MAGI2: variants seen among roughly 807,000 people sequenced by gnomAD.
The protein encoded by MAGI2 is membrane-associated guanylate kinase, WW and PDZ domain-containing protein 2.
MAGI2 carries 35 observed loss-of-function variants against 133.3 expected under a neutral mutation model. The observed-to-expected ratio is 0.26, with a 90% CI of 0.20 to 0.35. MAGI2 has a LOEUF of 0.35. Among genes scored for constraint, MAGI2 ranks in the 10% least tolerant of loss-of-function variants. The pLI is 1.00. For synonymous variants in MAGI2, 729 were observed against 710.6 expected (o/e 1.03, Z -0.41); for missense variants, 1,636 against 1,863.4 (o/e 0.88, Z 2.25).
rs555615332 is a variant in MAGI2 at position 79,044,894 on chromosome 7, A to G, written c.302-37688T>C. Among the ~76,000 whole-genome samples the G allele has an allele frequency of 3.4e-4, 52 of 152,350 alleles. 2 individuals are homozygous for G. Among genetic ancestry groups the G allele is most frequent in the Non-Finnish European group, 4.4e-5 (3 of 68,026 alleles). ...CTATAAATTTATACATGCATTTACC[A>G]CATGACCCTACTACACTGCAATTCT... On this transcript the variant is annotated intron_variant, in intron 1 of 21. Transcript: ENST00000354212.
chr7:78,240,238 G>GT (rs1790997135), intron 10 of MAGI2, among the ~76,000 whole-genome samples: 1 of 152,104 alleles, frequency 6.6e-6, no homozygotes, highest in African/African-American at 2.4e-5. Context: ...GTGGTGTTTG[G>GT]TTTTCTGTCT....
chr7:79,200,622 A>T (rs1258874699), intron 1 of MAGI2, among the ~76,000 whole-genome samples: 1 of 151,608 alleles, frequency 6.6e-6, no homozygotes, highest in Non-Finnish European at 1.5e-5. Flanking sequence ...AAAAAAAAAA[A>T]AAGTTTATAT....
chr7:79,246,281 A>G (rs1832814259), intron 1 of MAGI2, among the ~76,000 whole-genome samples: 1 of 152,138 alleles, frequency 6.6e-6, no homozygotes, highest in African/African-American at 2.4e-5. Context: ...CCCAAGAAAC[A>G]TGGCCTCACC....
At chr7:79,232,159 G>A (rs911645062) in intron 1 of MAGI2, among the ~76,000 whole-genome samples, 1 of 152,164 alleles carries the variant, frequency 6.6e-6, no homozygotes, top group Non-Finnish European at 1.5e-5. Flanking sequence ...GATCATGATG[G>A]ATAAGCTTTT....
chr7:78,043,986 A>T (rs1426111778), intron 21 of MAGI2, among the ~76,000 whole-genome samples: 1 of 152,252 alleles, frequency 6.6e-6, no homozygotes. Flanking sequence ...TTTCAGGTTC[A>T]AGCTAATTCT....
chr7:78,319,242 C>A (rs535759110), intron 9 of MAGI2, among the ~76,000 whole-genome samples: 7 of 152,264 alleles, frequency 4.6e-5, no homozygotes, highest in African/African-American at 1.7e-4. Context: ...CAAAGACACA[C>A]ATAGGCTCAA....
intron 19 of MAGI2, among the ~76,000 whole-genome samples, chr7:78,126,193 G>GGTGTGTGTGTGTGTGT (rs3085805): frequency 1.9e-4 from 28 of 149,010 alleles, no homozygotes; most frequent in Middle Eastern, 3.2e-3. Context: ...ATAAATGTCA[G>GGTGTGTGTGTGTGTGT]GTGTGTGTGT....
intron 2 of MAGI2, among the ~76,000 whole-genome samples, chr7:78,779,032 G>A (rs769055394): frequency 2.6e-4 from 39 of 150,328 alleles, no homozygotes; most frequent in Non-Finnish European, 4.9e-4. Context: ...TCAGCCTCCC[G>A]AGTAGTGGGG....
intron 1 of MAGI2, among the ~76,000 whole-genome samples, chr7:79,280,546 G>A (rs1186938549): frequency 6.6e-6 from 1 of 152,024 alleles, no homozygotes; most frequent in East Asian, 1.9e-4. Flanking sequence ...ATTACTTGTT[G>A]GGAAATTGAT....
intron 1 of MAGI2, among the ~76,000 whole-genome samples, chr7:79,168,496 G>A (rs868582709): frequency 3.3e-5 from 5 of 152,104 alleles, no homozygotes; most frequent in Middle Eastern, 6.8e-3. Context: ...TCCCTGAAAG[G>A]TCTTTAGCTA....
intron 2 of MAGI2, among the ~76,000 whole-genome samples, chr7:78,958,923 A>G (rs956962262): frequency 6.6e-6 from 1 of 152,104 alleles, no homozygotes; most frequent in Non-Finnish European, 1.5e-5. Flanking sequence ...TTTAGTGATG[A>G]TGTTTACTTC....
At chr7:78,374,318 T>C (rs1246286818) in intron 6 of MAGI2, among the ~76,000 whole-genome samples, 3 of 152,082 alleles carry the variant, frequency 2.0e-5, no homozygotes, top group African/African-American at 4.8e-5. Context: ...TGATTAGTGA[T>C]ATGGAATATC....
intron 3 of MAGI2, among the ~76,000 whole-genome samples, chr7:78,574,659 T>C (rs1377547333): frequency 6.6e-6 from 1 of 152,226 alleles, no homozygotes; most frequent in African/African-American, 2.4e-5. Flanking sequence ...GCAACCACTA[T>C]AGTTTTCTAA....
At chr7:78,384,698 A>G (rs1250324579) in intron 6 of MAGI2, among the ~76,000 whole-genome samples, 3 of 151,852 alleles carry the variant, frequency 2.0e-5, no homozygotes, top group African/African-American at 7.3e-5. Context: ...CCAACTAAAT[A>G]TTAACATCAA....
In MAGI2 at chr7:79,237,762, A is replaced by G. The variant is rs1215207923; in HGVS notation, c.301+215258T>C. On this transcript the variant is annotated intron_variant, in intron 1 of 21. Coordinates refer to ENST00000354212, the MANE Select transcript of MAGI2 (RefSeq NM_012301.4). ...ATTTTGATTGCTTGAACAATAATCC[A>G]TCCTTGCATATGCCACAATGTATTT... is the stretch of plus-strand genomic sequence containing the variant. Among the ~76,000 whole-genome samples the G allele has an allele frequency of 2.0e-5, 3 of 152,276 alleles. No individual in the cohort carries two copies. In the East Asian group the frequency reaches 5.8e-4, roughly 29 times the overall value.
intron 6 of MAGI2, among the ~76,000 whole-genome samples, chr7:78,458,122 AC>A (rs1032668677): frequency 1.3e-5 from 2 of 151,818 alleles, no homozygotes; most frequent in African/African-American, 4.8e-5. Flanking sequence ...ATGGTGAAAC[AC>A]CGTCTCTACT....
intron 2 of MAGI2, among the ~76,000 whole-genome samples, chr7:78,778,224 GACA>G (rs758147592): frequency 2.6e-5 from 4 of 152,182 alleles, no homozygotes; most frequent in Non-Finnish European, 5.9e-5. Flanking sequence ...TGCTTAATGA[GACA>G]ACGTTTGCCA....
intron 20 of MAGI2, among the ~76,000 whole-genome samples, chr7:78,123,908 G>A (rs1213554904): frequency 6.6e-6 from 1 of 152,170 alleles, no homozygotes; most frequent in Non-Finnish European, 1.5e-5. Context: ...TGATGCTGAT[G>A]CCAGGAACCG....
At chr7:78,187,793 A>T (rs1827833245) in intron 12 of MAGI2, among the ~76,000 whole-genome samples, 1 of 152,190 alleles carries the variant, frequency 6.6e-6, no homozygotes, top group African/African-American at 2.4e-5. Flanking sequence ...TCCATTAGGT[A>T]TAAAACTGAC....
Sources: allele counts gnomAD v4.1 joint callset (sites outside exome capture counted in the v4.1 genomes callset), GRCh38; gene constraint gnomAD v4.1.1; transcripts MANE v1.5; gene names NCBI Gene and HGNC (gene_info 2026-07-23, HGNC 2026-07-21).